The following SGK3 variants were observed in gnomAD, a reference collection of about 807,000 sequenced individuals.
SGK3 encodes the protein serine/threonine-protein kinase Sgk3.
In SGK3, 47 loss-of-function variants were observed where a neutral mutation model predicts 68.5. The ratio of observed to expected loss-of-function variants is 0.69; its 90% CI spans 0.54 to 0.87. The LOEUF (loss-of-function observed/expected upper bound fraction) is 0.87, where lower values mean the gene tolerates loss of function less well. Ranked by LOEUF, SGK3 falls within the 40% of genes least tolerant of loss-of-function variation. SGK3 has a pLI of 0.00. For missense variants in SGK3, 479 were observed against 575.5 expected (o/e 0.83, Z 1.72); for synonymous variants, 181 against 189.1 (o/e 0.96, Z 0.35).
At chr8:66,754,107 T>C (rs1393484215) in intron 1 of SGK3, among the ~76,000 whole-genome samples, 1 of 152,186 alleles carries the variant, frequency 6.6e-6, no homozygotes, top group Non-Finnish European at 1.5e-5. Context: ...TTTAGAGGCC[T>C]GGAGGTGGGA....
chr8:66,744,122 T>G (rs1282673645), intron 1 of SGK3, among the ~76,000 whole-genome samples: 1 of 152,162 alleles, frequency 6.6e-6, no homozygotes, highest in African/African-American at 2.4e-5. Context: ...AGGTAATTTT[T>G]TTAACCTTAT....
intron 16 of SGK3, among the ~76,000 whole-genome samples, chr8:66,858,843 A>G (rs1000887383): frequency 1.3e-5 from 2 of 152,086 alleles, no homozygotes; most frequent in Non-Finnish European, 2.9e-5. Context: ...AGTGTGGTCC[A>G]AGACCATTCT....
rs772815703 is a variant in SGK3, at chr8:66,813,958, A to G, written c.329+30A>G. The G allele has an allele frequency of 3.3e-6, 5 of 1,529,970 alleles. No individual in the cohort carries two copies. In the South Asian group the frequency reaches 6.5e-5, roughly 20 times the overall value. The allele number at this position is 1,529,970 out of a possible 1,614,324, so 94.8% of individuals were successfully genotyped here. Reference sequence around the variant, plus strand: ...GTAATTTTTGTTGCGTTCTAAAGGGACATTAAAACTAAACCTAAGAATACT... The same window carrying G: ...GTAATTTTTGTTGCGTTCTAAAGGGGCATTAAAACTAAACCTAAGAATACT... On this transcript the variant is annotated intron_variant, in intron 5 of 16. Coordinates refer to ENST00000521198, the MANE Select transcript of SGK3 (RefSeq NM_001033578.3).
intron 8 of SGK3, 98 bp downstream of exon 8, chr8:66,831,409 C>A: frequency 1.4e-6 from 2 of 1,417,844 alleles, no homozygotes; most frequent in Non-Finnish European, 2.0e-6. Context: ...TGTAGTGGTG[C>A]AGTCATAGCA....
intron 1 of SGK3, among the ~76,000 whole-genome samples, chr8:66,783,781 C>T (rs1477662853): frequency 6.6e-6 from 1 of 152,236 alleles, no homozygotes; most frequent in Non-Finnish European, 1.5e-5. Context: ...CCATCTCAGA[C>T]ACCCCAAGTG....
At position 66,740,082 on chromosome 8, in the gene SGK3, G is replaced by A. The variant is rs1349397741; in HGVS notation, c.-122+27249G>A. Among the ~76,000 whole-genome samples the A allele has an allele frequency of 3.3e-5, 5 of 152,232 alleles. No individual in the cohort carries two copies. The East Asian group carries it at 5.8e-4, about 18-fold the overall frequency. ...AAATTTCCATATAAATTTTGGCAGG[G>A]ACAAACCTCATAGAAACAATAGCAC... On this transcript the variant is annotated intron_variant, in intron 1 of 16. Coordinates refer to ENST00000521198, the MANE Select transcript of SGK3 (RefSeq NM_001033578.3).
At chr8:66,738,530 A>G (rs757154044) in intron 1 of SGK3, among the ~76,000 whole-genome samples, 22 of 152,068 alleles carry the variant, frequency 1.4e-4, no homozygotes, top group Non-Finnish European at 2.5e-4. Flanking sequence ...AGCTCCAACA[A>G]TGGTAGTTAC....
chr8:66,792,586 A>G (rs1224298160), intron 1 of SGK3, among the ~76,000 whole-genome samples: 1 of 152,178 alleles, frequency 6.6e-6, no homozygotes, highest in Non-Finnish European at 1.5e-5. Context: ...CACTTTAAAA[A>G]GTATTATTTA....
intron 6 of SGK3, among the ~76,000 whole-genome samples, chr8:66,824,123 A>C (rs1406879309): frequency 6.6e-6 from 1 of 152,180 alleles, no homozygotes; most frequent in Non-Finnish European, 1.5e-5. Context: ...TACCCCAAGA[A>C]GATTCTCAGT....
chr8:66,722,558 C>T (rs968346454), intron 1 of SGK3, among the ~76,000 whole-genome samples: 1 of 152,218 alleles, frequency 6.6e-6, no homozygotes, highest in African/African-American at 2.4e-5. Context: ...AGGCGTGAGC[C>T]GCCGTGCCCA....
At chr8:66,750,578 C>T (rs1034134979) in intron 1 of SGK3, among the ~76,000 whole-genome samples, 4 of 150,328 alleles carry the variant, frequency 2.7e-5, no homozygotes, top group African/African-American at 9.8e-5. Context: ...GTCCCAGCTA[C>T]TCGGGAGGCT....
chr8:66,766,748 T>C (rs1190917108), intron 1 of SGK3, among the ~76,000 whole-genome samples: 1 of 152,236 alleles, frequency 6.6e-6, no homozygotes, highest in Non-Finnish European at 1.5e-5. Flanking sequence ...AGAATTGTTG[T>C]GTCCTCTTGA....
At chr8:66,804,571 A>G in intron 4 of SGK3, 124 bp downstream of exon 4, 1 of 994,176 alleles carries the variant, frequency 1.0e-6, no homozygotes, top group East Asian at 2.6e-5. Context: ...TGTGAAAATA[A>G]TGCCGCAGGA....
chr8:66,738,651 G>A lies in SGK3; in HGVS notation c.-122+25818G>A, dbSNP rs1209501811. Among the ~76,000 whole-genome samples the A allele has an allele frequency of 1.0e-4, 15 of 150,496 alleles. No individual in the cohort carries two copies. In the East Asian group the frequency reaches 2.3e-3, roughly 23 times the overall value. On this transcript the variant is annotated intron_variant, in intron 1 of 16. Coordinates refer to ENST00000521198, the MANE Select transcript of SGK3 (RefSeq NM_001033578.3). ...CACTTTCTTTTTTTTTTTTTGAGAC[G>A]GAGTCTTGCTCTGTCACCCAAGCTG...
chr8:66,844,962 A>G (rs577641504), intron 14 of SGK3, among the ~76,000 whole-genome samples: 1 of 152,282 alleles, frequency 6.6e-6, no homozygotes, highest in African/African-American at 2.4e-5. Flanking sequence ...AGCACTATTT[A>G]TTTGCCATCT....
intron 1 of SGK3, among the ~76,000 whole-genome samples, chr8:66,736,182 T>G (rs890938995): frequency 6.6e-6 from 1 of 152,206 alleles, no homozygotes; most frequent in Non-Finnish European, 1.5e-5. Flanking sequence ...GTGACATACC[T>G]CACAGGATTG....
intron 1 of SGK3, chr8:66,778,237 C>T (rs1454574734): frequency 1.3e-5 from 2 of 152,224 alleles, no homozygotes; most frequent in African/African-American, 2.4e-5. Context: ...AGCATGCACA[C>T]ACACATTTCA....
chr8:66,728,717 A>G (rs945676871), intron 1 of SGK3, among the ~76,000 whole-genome samples: 3 of 152,060 alleles, frequency 2.0e-5, no homozygotes, highest in African/African-American at 7.2e-5. Flanking sequence ...AGCCTGGGCA[A>G]TAGAGTGAGA....
intron 1 of SGK3, among the ~76,000 whole-genome samples, chr8:66,713,737 C>G (rs537675604): frequency 6.6e-6 from 1 of 152,150 alleles, no homozygotes; most frequent in Non-Finnish European, 1.5e-5. Context: ...AATATTAAAT[C>G]AAATTCTTAA....
Sources: gnomAD v4.1 joint callset for allele counts (sites outside exome capture counted in the v4.1 genomes callset) on GRCh38, gnomAD v4.1.1 for gene constraint, MANE v1.5 for transcripts, NCBI Gene and HGNC (gene_info 2026-07-23, HGNC 2026-07-21) for gene names.